DAPP1: variants seen among roughly 807,000 people sequenced by gnomAD.
The protein encoded by DAPP1 is dual adaptor of phosphotyrosine and 3-phosphoinositides 1, also known as dual adapter for phosphotyrosine and 3-phosphotyrosine and 3-phosphoinositide.
In DAPP1, 20 loss-of-function variants were observed where a neutral mutation model predicts 41.5. The ratio of observed to expected loss-of-function variants is 0.48; its 90% CI spans 0.34 to 0.70. DAPP1 has a LOEUF of 0.70. Ranked by LOEUF, DAPP1 falls within the 30% of genes least tolerant of loss-of-function variation. The pLI is 0.01. For missense variants in DAPP1, 233 were observed against 333.4 expected, an observed-to-expected ratio of 0.70 and a Z score of 2.35; for synonymous variants, 113 against 116.2, an observed-to-expected ratio of 0.97 and a Z score of 0.18.
chr4:99,851,625 C>G (rs1194850915), intron 3 of DAPP1, among the ~76,000 whole-genome samples: 1 of 151,122 alleles, frequency 6.6e-6, no homozygotes, highest in East Asian at 1.9e-4. Flanking sequence ...ACCGCAACCC[C>G]CGCCTCCCGG....
intron 1 of DAPP1, among the ~76,000 whole-genome samples, chr4:99,834,687 A>C (rs909415779): frequency 2.0e-5 from 3 of 152,190 alleles, no homozygotes; most frequent in Non-Finnish European, 2.9e-5. Context: ...TTTGACTTGG[A>C]CTTTAAAAAC....
chr4:99,871,998 T>C (rs1214100806), downstream of DAPP1, among the ~76,000 whole-genome samples: 1 of 152,062 alleles, frequency 6.6e-6, no homozygotes, highest in East Asian at 1.9e-4. Flanking sequence ...GTAGCAACAA[T>C]GGCCAGGGTT....
At chr4:99,853,739 A>T (rs540525996) in intron 4 of DAPP1, among the ~76,000 whole-genome samples, 1 of 152,244 alleles carries the variant, frequency 6.6e-6, no homozygotes, top group Admixed American at 6.5e-5. Flanking sequence ...GGATTACTTG[A>T]GTCAAGGAGG....
intron 3 of DAPP1, among the ~76,000 whole-genome samples, chr4:99,847,675 G>A (rs1723711120): frequency 6.6e-6 from 1 of 152,144 alleles, no homozygotes; most frequent in Non-Finnish European, 1.5e-5. Context: ...AAATCTCCCA[G>A]CTGAGTCCTG....
At chr4:99,822,397 G>A (rs1177393158) in intron 1 of DAPP1, among the ~76,000 whole-genome samples, 1 of 152,170 alleles carries the variant, frequency 6.6e-6, no homozygotes, top group Non-Finnish European at 1.5e-5. Context: ...GCAGTGTTGT[G>A]TGGGCTGAGG....
chr4:99,818,267 C>A (rs1229740073), intron 1 of DAPP1, among the ~76,000 whole-genome samples: 1 of 152,164 alleles, frequency 6.6e-6, no homozygotes, highest in African/African-American at 2.4e-5. Flanking sequence ...AATCCCCAAA[C>A]AGAAGAGGTA....
At chr4:99,837,207 A>G (rs1446644206) in intron 2 of DAPP1, among the ~76,000 whole-genome samples, 1 of 152,170 alleles carries the variant, frequency 6.6e-6, no homozygotes, top group African/African-American at 2.4e-5. Context: ...CTTAACATCA[A>G]CTGACTTGGG....
At chr4:99,825,112 C>G (rs1329595627) in intron 1 of DAPP1, among the ~76,000 whole-genome samples, 1 of 152,320 alleles carries the variant, frequency 6.6e-6, no homozygotes, top group South Asian at 2.1e-4. Flanking sequence ...CTGGATCACT[C>G]TTTGGGTCTG....
intron 3 of DAPP1, among the ~76,000 whole-genome samples, chr4:99,846,553 C>A (rs1442300543): frequency 1.3e-5 from 2 of 152,104 alleles, no homozygotes; most frequent in Admixed American, 6.5e-5. Context: ...TAATAAAATG[C>A]TTTTATGGTT....
In DAPP1 at chr4:99,816,989, G is replaced by A; in HGVS notation, c.76G>A (p.Glu26Lys). 1 of 1,604,816 alleles carries A rather than the reference G, an allele frequency of 6.2e-7. No homozygotes were observed. Among genetic ancestry groups the A allele is most frequent in the Non-Finnish European group, 8.5e-7 (1 of 1,175,904 alleles). ...AGATCTGTGGAGCAGATCCGATGGA[G>A]AGGCTGAGCTGCTCCAGGACTTGGG... ...PSDLWSRSDG[E>K]AELLQDLGWY... The change falls in exon 1 of 9, where the codon GAG (glutamate) becomes AAG (lysine). Residue 26 changes from glutamate to lysine, a missense_variant. By Grantham distance (56) the Glu-to-Lys change is moderately conservative. Coordinates refer to ENST00000512369, the MANE Select transcript of DAPP1 (RefSeq NM_014395.3).
intron 4 of DAPP1, among the ~76,000 whole-genome samples, chr4:99,860,834 C>A (rs1025054459): frequency 1.3e-5 from 2 of 152,190 alleles, no homozygotes; most frequent in African/African-American, 4.8e-5. Context: ...TGATAAATTT[C>A]TTGATGTTAA....
Position 99,861,593 on chromosome 4 carries a change from G to T in DAPP1, c.505G>T (p.Gly169Cys). The change falls in exon 5 of 9, where the codon GGT becomes TGT. Residue 169 changes from glycine to cysteine, a missense_variant. Transcript: ENST00000512369. ...TCTTTTTCAGCTGGGCACCAAAGAA[G>T]GTTACCTCACCAAACAGGGAGGCCT... ...PTAPSLGTKE[G>C]YLTKQGGLVK... is the part of the protein sequence containing the mutation. 2 of 1,574,096 alleles carry T rather than the reference G, an allele frequency of 1.3e-6. No homozygotes were observed. Among genetic ancestry groups the T allele is most frequent in the Non-Finnish European group, 1.7e-6 (2 of 1,158,682 alleles).
At chr4:99,842,581 T>G in intron 3 of DAPP1, among the ~76,000 whole-genome samples, 1 of 152,204 alleles carries the variant, frequency 6.6e-6, no homozygotes, top group Non-Finnish European at 1.5e-5. Flanking sequence ...AGTGTTCAAA[T>G]CTTGCCCCTC....
intron 3 of DAPP1, among the ~76,000 whole-genome samples, chr4:99,846,523 C>A (rs1159098059): frequency 6.6e-6 from 1 of 152,084 alleles, no homozygotes; most frequent in Non-Finnish European, 1.5e-5. Context: ...TATAAGTATT[C>A]AATAATTATT....
At chr4:99,854,405 T>C (rs978639601) in intron 4 of DAPP1, among the ~76,000 whole-genome samples, 6 of 152,234 alleles carry the variant, frequency 3.9e-5, no homozygotes, top group Non-Finnish European at 8.8e-5. Flanking sequence ...TCATGACACT[T>C]GAAAAATAAT....
At chr4:99,860,713 C>G (rs898426329) in intron 4 of DAPP1, among the ~76,000 whole-genome samples, 1 of 152,110 alleles carries the variant, frequency 6.6e-6, no homozygotes, top group Non-Finnish European at 1.5e-5. Context: ...TGGTGTCAAC[C>G]AAATCACTTC....
chr4:99,859,153 C>G (rs1397800289), intron 4 of DAPP1, among the ~76,000 whole-genome samples: 2 of 152,020 alleles, frequency 1.3e-5, no homozygotes, highest in Non-Finnish European at 2.9e-5. Flanking sequence ...TGGGTGCAAG[C>G]AATGCTCATG....
At chr4:99,835,171 G>C (rs1279501425) in intron 1 of DAPP1, among the ~76,000 whole-genome samples, 1 of 152,020 alleles carries the variant, frequency 6.6e-6, no homozygotes, top group Non-Finnish European at 1.5e-5. Context: ...ACCATGCCAG[G>C]CTAATTTTTG....
downstream of DAPP1, among the ~76,000 whole-genome samples, chr4:99,871,236 A>G (rs763337723): frequency 1.3e-5 from 2 of 152,118 alleles, no homozygotes; most frequent in African/African-American, 2.4e-5. Context: ...TTCCCTCTCC[A>G]CTACTTCAGA....
Sources: gnomAD v4.1 joint callset for allele counts (sites outside exome capture counted in the v4.1 genomes callset) on GRCh38, gnomAD v4.1.1 for gene constraint, MANE v1.5 for transcripts, NCBI Gene and HGNC (gene_info 2026-07-23, HGNC 2026-07-21) for gene names.